Variants in IQCM observed in about 807,000 individuals in gnomAD.
IQCM encodes the protein IQ motif containing M.
A neutral mutation model predicts 57.6 loss-of-function variants in IQCM; 45 were observed. The ratio of observed to expected loss-of-function variants is 0.78; its 90% CI spans 0.62 to 1.00. The LOEUF (loss-of-function observed/expected upper bound fraction) is 1.00. Among genes scored for constraint, IQCM ranks in the 50% least tolerant of loss-of-function variants. The pLI, the probability that IQCM is intolerant of heterozygous loss-of-function variation, is 0.00. For missense variants in IQCM, 468 were observed against 511.6 expected (o/e 0.91, Z 0.82); for synonymous variants, 148 against 158.9 (o/e 0.93, Z 0.51).
At chr4:149,381,436 A>AC in intron 13 of IQCM, among the ~76,000 whole-genome samples, 1 of 152,086 alleles carries the variant, frequency 6.6e-6, no homozygotes, top group Admixed American at 6.6e-5. Flanking sequence ...TCACTGTCTA[A>AC]CCTCACCTCC....
chr4:149,618,781 T>A (rs1166134540), intron 8 of IQCM, among the ~76,000 whole-genome samples: 2 of 151,922 alleles, frequency 1.3e-5, no homozygotes, highest in Non-Finnish European at 2.9e-5. Flanking sequence ...AAAACCACAA[T>A]GAAACACCAT....
At chr4:149,563,616 T>C in intron 10 of IQCM, 76 bp downstream of exon 10, 1 of 992,242 alleles carries the variant, frequency 1.0e-6, no homozygotes, top group Non-Finnish European at 1.3e-6. Flanking sequence ...ATTGACCAGA[T>C]GACTATTCAA....
At chr4:149,591,255 G>A (rs1753133119) in intron 8 of IQCM, among the ~76,000 whole-genome samples, 1 of 151,778 alleles carries the variant, frequency 6.6e-6, no homozygotes. Context: ...AATATCATTG[G>A]ATGATTTTTT....
At chr4:149,700,034 T>C (rs879870656) in intron 5 of IQCM, among the ~76,000 whole-genome samples, 3 of 151,986 alleles carry the variant, frequency 2.0e-5, no homozygotes, top group Non-Finnish European at 4.4e-5. Context: ...GCATTATTCA[T>C]GTAGATAACA....
intron 8 of IQCM, among the ~76,000 whole-genome samples, chr4:149,616,199 G>A (rs1392218036): frequency 6.6e-6 from 1 of 152,146 alleles, no homozygotes; most frequent in Admixed American, 6.5e-5. Context: ...AGCAACCCAA[G>A]TGTCCATTGA....
At chr4:149,718,505 T>C (rs1240163649) in intron 5 of IQCM, among the ~76,000 whole-genome samples, 1 of 152,262 alleles carries the variant, frequency 6.6e-6, no homozygotes. Flanking sequence ...ATACTCCTTT[T>C]GACAAGGAAA....
chr4:149,393,043 C>T (rs1578904158), intron 13 of IQCM, among the ~76,000 whole-genome samples: 1 of 151,956 alleles, frequency 6.6e-6, no homozygotes, highest in South Asian at 2.1e-4. Context: ...GGCACAGTGG[C>T]ACATGCCTGT....
chr4:149,805,574 A>G (rs1773999684), intron 2 of IQCM, among the ~76,000 whole-genome samples: 1 of 152,034 alleles, frequency 6.6e-6, no homozygotes, highest in Non-Finnish European at 1.5e-5. Context: ...ATGACCTTTC[A>G]TTTAGATCAG....
At chr4:149,755,411 C>A (rs1768868276) in intron 2 of IQCM, among the ~76,000 whole-genome samples, 1 of 152,178 alleles carries the variant, frequency 6.6e-6, no homozygotes, top group Non-Finnish European at 1.5e-5. Context: ...TGGAGCCAAA[C>A]AGCTTTCTTT....
At chr4:149,472,865 A>G (rs1739735078) in intron 12 of IQCM, among the ~76,000 whole-genome samples, 1 of 152,216 alleles carries the variant, frequency 6.6e-6, no homozygotes. Context: ...AAAAAAAAGA[A>G]ATGGAGAAAG....
chr4:149,504,201 T>C (rs1427287666), intron 12 of IQCM, among the ~76,000 whole-genome samples: 1 of 152,142 alleles, frequency 6.6e-6, no homozygotes, highest in Admixed American at 6.6e-5. Context: ...AATATAGTAA[T>C]GTTATAGTCT....
intron 12 of IQCM, among the ~76,000 whole-genome samples, chr4:149,485,547 ATTTG>A (rs904190445): frequency 1.1e-4 from 17 of 151,690 alleles, no homozygotes; most frequent in African/African-American, 3.9e-4. Flanking sequence ...CAACTCTAGA[ATTTG>A]TTTGATTCTT....
chr4:149,660,396 A>G (rs1267875995), intron 7 of IQCM, among the ~76,000 whole-genome samples: 1 of 152,128 alleles, frequency 6.6e-6, no homozygotes, highest in African/African-American at 2.4e-5. Flanking sequence ...ACTGTAAACT[A>G]GTTCTACCAT....
chr4:149,606,908 C>A (rs979350239), intron 8 of IQCM, among the ~76,000 whole-genome samples: 1 of 152,016 alleles, frequency 6.6e-6, no homozygotes, highest in African/African-American at 2.4e-5. Context: ...CATACAACAT[C>A]TAGCAAATAG....
chr4:149,523,187 C>T (rs1488469370), intron 12 of IQCM, among the ~76,000 whole-genome samples: 1 of 152,090 alleles, frequency 6.6e-6, no homozygotes, highest in Non-Finnish European at 1.5e-5. Flanking sequence ...TATAAAAGCA[C>T]TAATCCCATC....
intron 5 of IQCM, among the ~76,000 whole-genome samples, chr4:149,699,049 A>T (rs1159122728): frequency 6.6e-6 from 1 of 152,140 alleles, no homozygotes; most frequent in African/African-American, 2.4e-5. Context: ...TATGGTCTGT[A>T]CAACAGATAA....
intron 13 of IQCM, among the ~76,000 whole-genome samples, chr4:149,408,041 T>C (rs965484438): frequency 6.6e-6 from 1 of 152,172 alleles, no homozygotes; most frequent in Admixed American, 6.6e-5. Flanking sequence ...CCATTCTGAC[T>C]GGTGGAAGAT....
At chr4:149,643,211 A>G (rs1758352967) in intron 7 of IQCM, among the ~76,000 whole-genome samples, 1 of 152,182 alleles carries the variant, frequency 6.6e-6, no homozygotes, top group African/African-American at 2.4e-5. Flanking sequence ...CTCAGCAGGT[A>G]TTTATTTCAT....
At chr4:149,727,081 T>C (rs549594176) in intron 5 of IQCM, among the ~76,000 whole-genome samples, 14 of 152,248 alleles carry the variant, frequency 9.2e-5, no homozygotes, top group African/African-American at 3.4e-4. Flanking sequence ...ATTTTACCTG[T>C]TTCTTTTTAC....
Sources: allele counts gnomAD v4.1 joint callset (sites outside exome capture counted in the v4.1 genomes callset), GRCh38; gene constraint gnomAD v4.1.1; transcripts MANE v1.5; gene names NCBI Gene and HGNC (gene_info 2026-07-23, HGNC 2026-07-21).